The following DNAH17 variants were observed in gnomAD, a reference collection of about 807,000 sequenced individuals.
The protein encoded by DNAH17 is dynein axonemal heavy chain 17.
Under a neutral mutation model 485.6 loss-of-function variants are expected in DNAH17, and 376 were observed. The observed-to-expected ratio is 0.77, with a 90% CI of 0.71 to 0.84. The LOEUF (loss-of-function observed/expected upper bound fraction) is 0.84, where lower values mean the gene tolerates loss of function less well. DNAH17 is among the 40% of genes least tolerant of loss of function. The probability of loss-of-function intolerance (pLI) is 0.00; values close to 1 mark genes in which losing one functional copy is unlikely to be tolerated. For synonymous variants in DNAH17, 3,031 were observed against 2,405.9 expected (o/e 1.26, Z -7.60); for missense variants, 6,370 against 5,839.3 (o/e 1.09, Z -2.96).
At chr17:78,495,526 C>T (rs1353627585) in intron 38 of DNAH17, among the ~76,000 whole-genome samples, 4 of 151,832 alleles carry the variant, frequency 2.6e-5, no homozygotes, top group African/African-American at 4.8e-5. Context: ...CAACCTCCGC[C>T]TCCCAGGTTC....
At chr17:78,438,932 G>A (rs1410400660) in intron 73 of DNAH17, 158 bp downstream of exon 73, 10 of 1,126,020 alleles carry the variant, frequency 8.9e-6, no homozygotes, top group Admixed American at 6.1e-5. Flanking sequence ...CAGCAGAGCC[G>A]ACACTGGGGA....
intron 43 of DNAH17, among the ~76,000 whole-genome samples, chr17:78,491,223 C>A (rs1226120500): frequency 1.3e-5 from 2 of 152,240 alleles, no homozygotes. Flanking sequence ...CTGAACCCAT[C>A]CTGCTAAAAT....
intron 2 of DNAH17, among the ~76,000 whole-genome samples, chr17:78,573,946 C>T (rs1030624629): frequency 6.6e-6 from 1 of 152,150 alleles, no homozygotes; most frequent in Non-Finnish European, 1.5e-5. Context: ...CCCCCACCTA[C>T]ACAGCACCTG....
chr17:78,472,805 G>A (rs1330320200), intron 54 of DNAH17: 1 of 448,136 alleles, frequency 2.2e-6, no homozygotes, highest in Non-Finnish European at 4.5e-6. Context: ...GCCTTTGTGG[G>A]GTCACAGAGC....
In DNAH17 at chr17:78,459,893, T is replaced by C. The variant is rs776313118; in HGVS notation, c.9544A>G (p.Lys3182Glu). The C allele has an allele frequency of 6.2e-7, 1 of 1,614,036 alleles. No individual in the cohort carries two copies. The highest frequency in any genetic ancestry group is 8.5e-7 in the Non-Finnish European group (1 of 1,179,894). Residue 3182 changes from lysine (K) to glutamate (E), a missense_variant, in exon 60 of 81, where the codon AAG becomes GAG. By Grantham distance (56) the Lys-to-Glu change is moderately conservative. Coordinates refer to ENST00000389840, the MANE Select transcript of DNAH17 (RefSeq NM_173628.4). ...TAPGGKIPKD[K>E]SWKAAKIMMG... Reference sequence around the variant, plus strand: ...ATGATCTTGGCCGCCTTCCAGCTCTTGTCCTTGGGGATCTTGCCCCCAGGT... The same window carrying C: ...ATGATCTTGGCCGCCTTCCAGCTCTCGTCCTTGGGGATCTTGCCCCCAGGT...
chr17:78,537,565 C>T (rs1722382686), intron 18 of DNAH17, 84 bp from the exon 19 acceptor site: 1 of 1,433,194 alleles, frequency 7.0e-7, no homozygotes, highest in Non-Finnish European at 9.6e-7. Context: ...CCACTCCGTA[C>T]CATCAATGTG....
intron 27 of DNAH17, among the ~76,000 whole-genome samples, chr17:78,509,870 A>G (rs1487392041): frequency 6.6e-6 from 1 of 152,220 alleles, no homozygotes; most frequent in Non-Finnish European, 1.5e-5. Context: ...ATAGCCGCAA[A>G]TTGGGTTTTC....
At chr17:78,430,810 G>A (rs1303650755) in intron 75 of DNAH17, among the ~76,000 whole-genome samples, 1 of 152,080 alleles carries the variant, frequency 6.6e-6, no homozygotes, top group Non-Finnish European at 1.5e-5. Context: ...TCGAACTCCT[G>A]ACCTCAGGGG....
intron 75 of DNAH17, among the ~76,000 whole-genome samples, chr17:78,430,750 T>C (rs967716829): frequency 6.6e-6 from 1 of 152,028 alleles, no homozygotes; most frequent in Admixed American, 6.6e-5. Context: ...CCAGCTAATA[T>C]TTTGGATTTT....
rs61744345 is a variant in DNAH17 at position 78,479,598 on chromosome 17, C to A, written c.7787G>T (p.Gly2596Val). 117 of 1,613,374 alleles carry A rather than the reference C, an allele frequency of 7.3e-5. No homozygotes were observed. In the African/African-American group the frequency reaches 1.4e-3, roughly 20 times the overall value. ...GTAGATGGTGGTGAGGGCCTCCTGGCCGGGGAAGCTCACAGCAAACACGCA... is the reference window on the plus strand; with the variant it reads ...GTAGATGGTGGTGAGGGCCTCCTGGACGGGGAAGCTCACAGCAAACACGCA... ...HFCVFAVSFP[G>V]QEALTTIYNT... is the part of the protein sequence containing the mutation. The change falls in exon 50 of 81, where the codon GGC becomes GTC. Residue 2596 changes from glycine to valine, a missense_variant. Physicochemically the swap from Gly to Val is moderately radical, Grantham distance 109 (BLOSUM62 -3). Coordinates refer to ENST00000389840, the MANE Select transcript of DNAH17 (RefSeq NM_173628.4).
Position 78,449,462 on chromosome 17 carries a change from T to C in DNAH17, c.11163A>G (p.Gly3721=), listed in dbSNP as rs534434899. Residue 3721 remains glycine (G), a synonymous_variant, in exon 69 of 81, where the codon GGA becomes GGG. Transcript: ENST00000389840. The part of the protein sequence containing the change: ...TYSVYMYTAR[G]LFERDKLIFL... ...AAATGAGTTTGTCCCTCTCGAAGAG[T>C]CCCCGGGCCGTGTACATGTAGACGG... is the stretch of plus-strand genomic sequence containing the variant. 1.3e-6 allele frequency: 2 copies of C among 1,555,016 alleles called. No individual in the cohort carries two copies. Among genetic ancestry groups the C allele is most frequent in the East Asian group, 2.4e-5 (1 of 41,384 alleles).
chr17:78,561,735 G>C lies in DNAH17; in HGVS notation c.1815C>G (p.His605Gln), dbSNP rs1447164899. The change falls in exon 12 of 81, where the codon CAC becomes CAG. Residue 605 changes from histidine to glutamine, a missense_variant. Physicochemically the swap from His to Gln is conservative, Grantham distance 24 (BLOSUM62 0). Coordinates refer to ENST00000389840, the MANE Select transcript of DNAH17 (RefSeq NM_173628.4). The stretch of plus-strand genomic sequence containing the variant: ...CTCACGGGTGTTCGACGTGCTTCAG[G>C]TGTTTCATGGACACCTCTAGCCTCT... ...LQERLEVSMK[H>Q]LKHVEHPVMS... 6.2e-7 allele frequency: 1 copy of C among 1,610,498 alleles called. No homozygotes were observed. The highest frequency in any genetic ancestry group is 1.1e-5 in the South Asian group (1 of 90,550).
chr17:78,569,100 G>T, intron 9 of DNAH17, 66 bp downstream of exon 9: 2 of 1,263,040 alleles, frequency 1.6e-6, no homozygotes, highest in Non-Finnish European at 2.3e-6. Flanking sequence ...GATGGACGCT[G>T]CAGGTGTCCT....
chr17:78,477,613 G>A (rs777848382), intron 51 of DNAH17, among the ~76,000 whole-genome samples: 10 of 152,026 alleles, frequency 6.6e-5, no homozygotes, highest in Non-Finnish European at 1.2e-4. Flanking sequence ...TCCTGACCTC[G>A]TGATCTGCCC....
At chr17:78,539,284 C>A (rs2091459982) in intron 18 of DNAH17, among the ~76,000 whole-genome samples, 1 of 152,100 alleles carries the variant, frequency 6.6e-6, no homozygotes, top group Non-Finnish European at 1.5e-5. Context: ...GGGGCCATTG[C>A]CATGGAAAGC....
Position 78,574,789 on chromosome 17 carries a change from T to C in DNAH17, c.269A>G (p.Asp90Gly). Residue 90 changes from aspartate (D) to glycine (G), a missense_variant, in exon 2 of 81, where the codon GAC becomes GGC. By Grantham distance (94) the Asp-to-Gly change is moderately conservative. Coordinates refer to ENST00000389840, the MANE Select transcript of DNAH17 (RefSeq NM_173628.4). Reference protein sequence around the residue: ...IKTKSENINKDNYRARLLYGD... With the variant: ...IKTKSENINKGNYRARLLYGD... ...GTAAAGGAGCCGGGCCCTGTAGTTGTCCTTGTTGATGTTCTCGGACTTTGT... is the reference window on the plus strand; with the variant it reads ...GTAAAGGAGCCGGGCCCTGTAGTTGCCCTTGTTGATGTTCTCGGACTTTGT... 1.2e-6 allele frequency: 2 copies of C among 1,613,976 alleles called. No individual in the cohort carries two copies. The highest frequency in any genetic ancestry group is 1.7e-6 in the Non-Finnish European group (2 of 1,179,872).
chr17:78,541,691 G>A (rs995214950), intron 17 of DNAH17, among the ~76,000 whole-genome samples: 3 of 152,002 alleles, frequency 2.0e-5, no homozygotes, highest in Non-Finnish European at 2.9e-5. Flanking sequence ...TCCTGTCCCT[G>A]CTGCTTGGCT....
chr17:78,464,199 G>T (rs1356580525), intron 56 of DNAH17, among the ~76,000 whole-genome samples: 1 of 152,212 alleles, frequency 6.6e-6, no homozygotes, highest in South Asian at 2.1e-4. Flanking sequence ...GTGAGCCAGG[G>T]TTTATGGGTA....
At chr17:78,478,265 TCTCC>T (rs2089176281) in intron 51 of DNAH17, among the ~76,000 whole-genome samples, 2 of 69,176 alleles carry the variant, frequency 2.9e-5, no homozygotes, top group African/African-American at 1.6e-4. Flanking sequence ...ACCATTATCA[TCTCC>T]ACCACCATCA....
Sources: gnomAD v4.1 joint callset for allele counts (sites outside exome capture counted in the v4.1 genomes callset) on GRCh38, gnomAD v4.1.1 for gene constraint, MANE v1.5 for transcripts, NCBI Gene and HGNC (gene_info 2026-07-23, HGNC 2026-07-21) for gene names.